KLF13: variants seen among roughly 807,000 people sequenced by gnomAD.
KLF13 encodes the protein KLF transcription factor 13.
Under a neutral mutation model 16.7 loss-of-function variants are expected in KLF13, and 8 were observed. The observed-to-expected ratio is 0.48, with a 90% CI of 0.28 to 0.87. The LOEUF (loss-of-function observed/expected upper bound fraction) is 0.87. KLF13 is among the 40% of genes least tolerant of loss of function. The pLI is 0.10. For missense variants in KLF13, 447 were observed against 452.2 expected, an observed-to-expected ratio of 0.99 and a Z score of 0.10; for synonymous variants, 245 against 208.4, an observed-to-expected ratio of 1.18 and a Z score of -1.51.
chr15:31,327,930 C>T (rs1566797911), intron 1 of KLF13, 141 bp downstream of exon 1: 1 of 991,030 alleles, frequency 1.0e-6, no homozygotes, highest in Non-Finnish European at 1.2e-6. Flanking sequence ...CTTCCCCTGC[C>T]GCTCCGACCC....
chr15:31,327,897 C>A, intron 1 of KLF13, 108 bp downstream of exon 1: 1 of 1,137,052 alleles, frequency 8.8e-7, no homozygotes, highest in South Asian at 4.2e-5. Context: ...GCCGGGCGGG[C>A]CGGAACGCCC....
At chr15:31,364,906 G>A (rs1233839367) in intron 1 of KLF13, among the ~76,000 whole-genome samples, 1 of 152,226 alleles carries the variant, frequency 6.6e-6, no homozygotes, top group Non-Finnish European at 1.5e-5. Context: ...GAGTTAGGAA[G>A]TCCACCCCCC....
At chr15:31,411,159 T>G (rs1417059157) in intron 1 of KLF13, among the ~76,000 whole-genome samples, 1 of 152,198 alleles carries the variant, frequency 6.6e-6, no homozygotes, top group Non-Finnish European at 1.5e-5. Context: ...CAGTCCAGTA[T>G]TCCAATGAGA....
At chr15:31,413,377 C>G (rs934782075) in intron 1 of KLF13, among the ~76,000 whole-genome samples, 2 of 152,036 alleles carry the variant, frequency 1.3e-5, no homozygotes, top group Middle Eastern at 3.2e-3. Flanking sequence ...TCAGAAAGGT[C>G]AATCAACTCC....
intron 1 of KLF13, among the ~76,000 whole-genome samples, chr15:31,424,785 A>T (rs2040381701): frequency 1.3e-5 from 2 of 152,146 alleles, no homozygotes; most frequent in South Asian, 4.1e-4. Flanking sequence ...GAATTAGACA[A>T]GAAGAAAGAA....
chr15:31,392,051 C>T (rs1421463071), upstream of KLF13, among the ~76,000 whole-genome samples: 1 of 151,922 alleles, frequency 6.6e-6, no homozygotes, highest in Non-Finnish European at 1.5e-5. Flanking sequence ...CGGCCAGACC[C>T]GCCAGCTGCC....
Position 31,327,303 on chromosome 15 carries a change from C to T in KLF13, c.91C>T (p.Pro31Ser). 1 of 1,301,558 alleles carries T rather than the reference C, an allele frequency of 7.7e-7. No homozygotes were observed. The highest frequency in any genetic ancestry group is 9.7e-7 in the Non-Finnish European group (1 of 1,028,678). 80.6% of individuals were successfully genotyped at this position (1,301,558 alleles called of 1,614,324 possible). A position where few individuals can be genotyped will look rare whatever the true frequency, so the allele number is the denominator to read the frequency against. The change falls in exon 1 of 2, where the codon CCG becomes TCG. Residue 31 changes from proline (P) to serine (S), a missense_variant. Transcript: ENST00000307145. ...RAVVHGPREG[P>S]ESRPEGAAVA... ...GGTCGTGCACGGGCCGCGGGAGGGG[C>T]CGGAGTCCCGGCCCGAGGGCGCGGC...
rs2038739462 is a variant in KLF13, at chr15:31,327,626, G to A, written c.414G>A (p.Gly138=). The change falls in exon 1 of 2, where the codon GGG becomes GGA. Residue 138 remains glycine (G), a synonymous_variant. Coordinates refer to ENST00000307145, the MANE Select transcript of KLF13 (RefSeq NM_015995.4). ...EAGLEPEREP[G]PAGSGEPGLR... is the part of the protein sequence containing the mutation. Reference sequence around the variant, plus strand: ...GGCTGGAGCCCGAGCGGGAGCCGGGGCCCGCGGGGAGCGGCGAGCCCGGCC... The same window carrying A: ...GGCTGGAGCCCGAGCGGGAGCCGGGACCCGCGGGGAGCGGCGAGCCCGGCC... 2 of 1,362,086 alleles carry A rather than the reference G, an allele frequency of 1.5e-6. No homozygotes were observed. The highest frequency in any genetic ancestry group is 1.6e-5 in the South Asian group (1 of 64,368). The allele number at this position is 1,362,086 out of a possible 1,614,324, so 84.4% of individuals were successfully genotyped here. A position where few individuals can be genotyped will look rare whatever the true frequency, so the allele number is the denominator to read the frequency against.
At chr15:31,393,245 T>G (rs1000461486) in exon 1 of KLF13, 9 of 152,430 alleles carry the variant, frequency 5.9e-5, no homozygotes, top group African/African-American at 2.2e-4. Flanking sequence ...CCTAGCGGCA[T>G]GCAGCGTTCA....
At chr15:31,355,717 A>C (rs2039289260) in intron 1 of KLF13, among the ~76,000 whole-genome samples, 1 of 152,118 alleles carries the variant, frequency 6.6e-6, no homozygotes, top group African/African-American at 2.4e-5. Context: ...TTGGGGGATC[A>C]TGACAGTAAA....
intron 1 of KLF13, among the ~76,000 whole-genome samples, chr15:31,427,176 A>G (rs2040409684): frequency 6.6e-6 from 1 of 152,010 alleles, no homozygotes; most frequent in African/African-American, 2.4e-5. Flanking sequence ...CCCCTAATAA[A>G]TCCCCCATCT....
intron 1 of KLF13, among the ~76,000 whole-genome samples, chr15:31,414,161 A>G (rs2040229307): frequency 6.6e-6 from 1 of 152,158 alleles, no homozygotes; most frequent in Non-Finnish European, 1.5e-5. Flanking sequence ...TCTCAAGGTG[A>G]TTATGATCAG....
At chr15:31,364,031 G>A (rs1370855344) in intron 1 of KLF13, among the ~76,000 whole-genome samples, 5 of 152,166 alleles carry the variant, frequency 3.3e-5, no homozygotes. Context: ...CCTTTGCACA[G>A]TTACCACTAC....
Position 31,374,901 on chromosome 15 carries a change from A to T in KLF13, c.*2602A>T, listed in dbSNP as rs1310375228. On this transcript the variant is annotated 3_prime_UTR_variant, in exon 2 of 2. Transcript: ENST00000307145. The stretch of plus-strand genomic sequence containing the variant: ...GGTGTTGGCTGTTTCCAAAGAGAGC[A>T]CTTAATTTAATTTTTCCTTTAAATG... 1 of 152,354 alleles carries T rather than the reference A, an allele frequency of 6.6e-6. No individual in the cohort carries two copies. The highest frequency in any genetic ancestry group is 1.5e-5 in the Non-Finnish European group (1 of 67,958). 9.4% of individuals were successfully genotyped at this position (152,354 alleles called of 1,614,324 possible).
intron 1 of KLF13, among the ~76,000 whole-genome samples, chr15:31,421,886 G>A (rs2040329876): frequency 1.3e-5 from 2 of 152,116 alleles, no homozygotes; most frequent in Non-Finnish European, 2.9e-5. Context: ...GGCCAGGACG[G>A]GCAGATCACC....
At position 31,411,380 on chromosome 15, in the gene KLF13, T is replaced by C. The variant is rs557463599; in HGVS notation, n.117+17689T>C. ...GAAATTCAATCAATGTAACTTACCATACCAACACATTTTTTTTTTCTTTTT... is the reference window on the plus strand; with the variant it reads ...GAAATTCAATCAATGTAACTTACCACACCAACACATTTTTTTTTTCTTTTT... On this transcript the variant is annotated intron_variant and non_coding_transcript_variant, in intron 1 of 1. Transcript: ENST00000558225. Among the ~76,000 whole-genome samples, 4 of 151,182 alleles carry C rather than the reference T, an allele frequency of 2.6e-5. No individual in the cohort carries two copies. In the East Asian group the frequency reaches 7.8e-4, roughly 29 times the overall value.
chr15:31,428,795 T>C (rs1197162856), intron 1 of KLF13, among the ~76,000 whole-genome samples: 1 of 13,926 alleles, frequency 7.2e-5, no homozygotes, highest in African/African-American at 4.1e-4. Flanking sequence ...AGAGTGAGAC[T>C]CTATCTCAAA....
chr15:31,344,784 G>C (rs571094597), intron 1 of KLF13, among the ~76,000 whole-genome samples: 5 of 149,198 alleles, frequency 3.4e-5, no homozygotes, highest in African/African-American at 1.2e-4. Flanking sequence ...GAGCTGGGAG[G>C]ATTGCTGGGT....
rs2039559623 is a variant in KLF13 at position 31,371,861 on chromosome 15, T to C, written c.578-149T>C. ...CAGGGGCCCACCTTCATCTCTGCCTTGATGGATTTGTCACAGAAGCTCTTG... is the reference window on the plus strand; with the variant it reads ...CAGGGGCCCACCTTCATCTCTGCCTCGATGGATTTGTCACAGAAGCTCTTG... On this transcript the variant is annotated intron_variant, in intron 1 of 1. Transcript: ENST00000307145. 51 of 910,282 alleles carry C rather than the reference T, an allele frequency of 5.6e-5. No individual in the cohort carries two copies. In the South Asian group the frequency reaches 8.7e-4, roughly 16 times the overall value. The allele number at this position is 910,282 out of a possible 1,614,324, so 56.4% of individuals were successfully genotyped here.
Sources: allele counts gnomAD v4.1 joint callset (sites outside exome capture counted in the v4.1 genomes callset), GRCh38; gene constraint gnomAD v4.1.1; transcripts MANE v1.5; gene names NCBI Gene and HGNC (gene_info 2026-07-23, HGNC 2026-07-21).